The following ASIC2 variants were observed in gnomAD, a reference collection of about 807,000 sequenced individuals.
ASIC2 encodes acid sensing ion channel subunit 2.
A neutral mutation model predicts 57.3 loss-of-function variants in ASIC2; 25 were observed. The ratio of observed to expected loss-of-function variants is 0.44; its 90% CI spans 0.32 to 0.61. The LOEUF (loss-of-function observed/expected upper bound fraction) is 0.61. ASIC2 is among the 20% of genes least tolerant of loss of function. The pLI is 0.06. For missense variants in ASIC2, 641 were observed against 738.1 expected, an observed-to-expected ratio of 0.87 and a Z score of 1.52; for synonymous variants, 319 against 307.5, an observed-to-expected ratio of 1.04 and a Z score of -0.39.
chr17:33,555,502 G>A (rs202195805), intron 1 of ASIC2, among the ~76,000 whole-genome samples: 3 of 152,214 alleles, frequency 2.0e-5, no homozygotes, highest in East Asian at 3.9e-4. Context: ...TAGAAAGACA[G>A]GAAATGAAAA....
intron 1 of ASIC2, among the ~76,000 whole-genome samples, chr17:33,991,089 G>A (rs1003274700): frequency 2.0e-5 from 3 of 152,182 alleles, no homozygotes; most frequent in Non-Finnish European, 4.4e-5. Context: ...AACTAGGGCT[G>A]ACTGCTATAA....
chr17:33,860,090 T>C (rs1368939080), intron 1 of ASIC2, among the ~76,000 whole-genome samples: 1 of 152,100 alleles, frequency 6.6e-6, no homozygotes, highest in Non-Finnish European at 1.5e-5. Flanking sequence ...ACCAGATGGG[T>C]GGCTCTGAGG....
intron 1 of ASIC2, among the ~76,000 whole-genome samples, chr17:33,368,296 T>G (rs1235001896): frequency 1.3e-5 from 2 of 152,124 alleles, no homozygotes; most frequent in Non-Finnish European, 1.5e-5. Flanking sequence ...GTTGGAGAGG[T>G]GGGATAGAGA....
At chr17:33,323,320 ATAGTCATACAG>A (rs1286420336) in intron 1 of ASIC2, among the ~76,000 whole-genome samples, 2 of 152,228 alleles carry the variant, frequency 1.3e-5, no homozygotes, top group African/African-American at 4.8e-5. Flanking sequence ...AAATTGCGGT[ATAGTCATACAG>A]TAGAGTACTA....
At chr17:33,730,596 G>A (rs61403031) in intron 1 of ASIC2, among the ~76,000 whole-genome samples, 87 of 152,232 alleles carry the variant, frequency 5.7e-4, no homozygotes, top group African/African-American at 2.1e-3. Context: ...TGATGGGGCT[G>A]GAAAAATGAG....
intron 1 of ASIC2, among the ~76,000 whole-genome samples, chr17:33,444,603 C>T (rs1911946620): frequency 8.0e-6 from 1 of 125,748 alleles, no homozygotes; most frequent in Admixed American, 8.4e-5. Flanking sequence ...TTCCAGTTGC[C>T]TGGGGAGTGG....
chr17:33,673,904 T>C (rs916898053), intron 1 of ASIC2, among the ~76,000 whole-genome samples: 13 of 151,640 alleles, frequency 8.6e-5, no homozygotes, highest in Non-Finnish European at 8.8e-5. Context: ...TGTCTTTTTT[T>C]TTTTTTTGGA....
intron 1 of ASIC2, among the ~76,000 whole-genome samples, chr17:33,236,595 C>A (rs1908305396): frequency 6.6e-6 from 1 of 152,168 alleles, no homozygotes; most frequent in Non-Finnish European, 1.5e-5. Flanking sequence ...CCTGCCTCAG[C>A]CTCCCAAAGT....
chr17:33,805,786 C>T (rs1371046091), intron 1 of ASIC2, among the ~76,000 whole-genome samples: 2 of 152,174 alleles, frequency 1.3e-5, no homozygotes, highest in Non-Finnish European at 2.9e-5. Context: ...ACTTTCCTCA[C>T]CCAGGGCTTC....
At position 33,760,620 on chromosome 17, in the gene ASIC2, T is replaced by TAC. The variant is rs1470218562; in HGVS notation, c.555+395356_555+395357dup. ...TATATGCAAGATATATATATATATA[T>TAC]ACATACACACATACACAAATATGTA... On this transcript the variant is annotated intron_variant, in intron 1 of 9. Coordinates refer to the ASIC2 transcript ENST00000359872. 1.5e-4 allele frequency among the ~76,000 whole-genome samples: 22 copies of TAC among 151,712 alleles called. 1 individual carries two copies. The highest frequency in any genetic ancestry group is 4.2e-4 in the South Asian group (2 of 4,810).
intron 1 of ASIC2, among the ~76,000 whole-genome samples, chr17:34,018,658 T>G (rs888934450): frequency 1.3e-5 from 2 of 152,218 alleles, no homozygotes; most frequent in Non-Finnish European, 2.9e-5. Flanking sequence ...AAGAAGTTGA[T>G]TCCAACCCTC....
At chr17:33,966,811 T>C (rs987416965) in intron 1 of ASIC2, among the ~76,000 whole-genome samples, 1 of 152,266 alleles carries the variant, frequency 6.6e-6, no homozygotes, top group Non-Finnish European at 1.5e-5. Context: ...TCCGGCTCTG[T>C]TTTATCCTTA....
chr17:33,150,234 G>A (rs1904728800), intron 1 of ASIC2, among the ~76,000 whole-genome samples: 1 of 152,174 alleles, frequency 6.6e-6, no homozygotes, highest in Non-Finnish European at 1.5e-5. Flanking sequence ...GTTAATTACT[G>A]AGAAGTGATG....
chr17:33,667,062 G>T (rs1239670319), intron 1 of ASIC2, among the ~76,000 whole-genome samples: 1 of 152,118 alleles, frequency 6.6e-6, no homozygotes, highest in Non-Finnish European at 1.5e-5. Context: ...GTGGACTATG[G>T]GACTTAGTCA....
At position 33,198,277 on chromosome 17, in the gene ASIC2, G is replaced by A. The variant is rs142953119; in HGVS notation, c.709-86210C>T. 1.5e-3 allele frequency among the ~76,000 whole-genome samples: 234 copies of A among 152,288 alleles called. 3 individuals carry two copies. The East Asian group carries it at 0.04, about 26-fold the overall frequency. ...TGAGGTGGGAGGATCCCTTGAACTC[G>A]GGAGGTCCAGACTGCAGGGAGCCAT... On this transcript the variant is annotated intron_variant, in intron 1 of 9. Transcript: ENST00000225823.
chr17:33,504,056 C>A lies in ASIC2; in HGVS notation c.556-391989G>T, dbSNP rs926913836. Among the ~76,000 whole-genome samples, 9 of 152,358 alleles carry A rather than the reference C, an allele frequency of 5.9e-5. No homozygotes were observed. In the East Asian group the frequency reaches 1.7e-3, roughly 29 times the overall value. ...AGGCAGACCTCAGCCTCAGGACAATCCCCTAGGAACTGGGTAACCAGGGAA... is the reference window on the plus strand; with the variant it reads ...AGGCAGACCTCAGCCTCAGGACAATACCCTAGGAACTGGGTAACCAGGGAA... On this transcript the variant is annotated intron_variant, in intron 1 of 9. Transcript: ENST00000359872.
At chr17:34,116,387 A>T (rs1459514104) in intron 1 of ASIC2, among the ~76,000 whole-genome samples, 2 of 152,158 alleles carry the variant, frequency 1.3e-5, no homozygotes, top group African/African-American at 2.4e-5. Flanking sequence ...CTTCAGTGTC[A>T]GTTTTTGCAC....
intron 3 of ASIC2, among the ~76,000 whole-genome samples, chr17:33,081,278 T>C (rs1441806411): frequency 6.6e-6 from 1 of 152,166 alleles, no homozygotes; most frequent in Non-Finnish European, 1.5e-5. Flanking sequence ...GGCAAAATCG[T>C]CTGGGGATCT....
intron 1 of ASIC2, among the ~76,000 whole-genome samples, chr17:33,451,619 A>T (rs554447351): frequency 1.7e-4 from 26 of 152,274 alleles, no homozygotes; most frequent in African/African-American, 6.3e-4. Context: ...CAACCATTGC[A>T]GTTGCCTTCT....
Sources: gnomAD v4.1 joint callset for allele counts (sites outside exome capture counted in the v4.1 genomes callset) on GRCh38, gnomAD v4.1.1 for gene constraint, MANE v1.5 for transcripts, NCBI Gene and HGNC (gene_info 2026-07-23, HGNC 2026-07-21) for gene names.